The following DBP variants were observed in gnomAD, a reference collection of about 807,000 sequenced individuals.
DBP encodes D-box binding PAR bZIP transcription factor, also known as D site-binding protein.
A neutral mutation model predicts 21.4 loss-of-function variants in DBP; 12 were observed. That is an observed-to-expected ratio of 0.56 (90% CI 0.36 to 0.91). The LOEUF (loss-of-function observed/expected upper bound fraction) is 0.91, where lower values mean the gene tolerates loss of function less well. Among genes scored for constraint, DBP ranks in the 40% least tolerant of loss-of-function variants. DBP has a pLI of 0.01. For synonymous variants in DBP, 213 were observed against 224.9 expected, an observed-to-expected ratio of 0.95 and a Z score of 0.47; for missense variants, 423 against 473.4, an observed-to-expected ratio of 0.89 and a Z score of 0.99.
chr19:48,631,290 C>T (rs563143119), intron 3 of DBP: 11 of 555,890 alleles, frequency 2.0e-5, no homozygotes, highest in Admixed American at 1.2e-4. Context: ...CTCTGCAAAG[C>T]GGACCCCAGC....
At chr19:48,633,957 A>G (rs993482894) in intron 2 of DBP, 55 of 391,420 alleles carry the variant, frequency 1.4e-4, no homozygotes, top group Non-Finnish European at 1.7e-4. Context: ...AAAATTGCCC[A>G]GGTGTAGTGG....
chr19:48,635,095 C>T, intron 2 of DBP: 1 of 987,622 alleles, frequency 1.0e-6, no homozygotes, highest in Non-Finnish European at 1.2e-6. Flanking sequence ...CACTGGGGGA[C>T]CCAGGGACCT....
chr19:48,636,820 G>A (rs777295484), intron 1 of DBP, 36 bp downstream of exon 1: 1 of 1,608,086 alleles, frequency 6.2e-7, no homozygotes, highest in Non-Finnish European at 8.5e-7. Context: ...AGGGGGTAGG[G>A]TGTCCGAAGT....
intron 3 of DBP, 105 bp downstream of exon 3, chr19:48,633,339 A>T: frequency 8.4e-7 from 1 of 1,194,656 alleles, no homozygotes; most frequent in Non-Finnish European, 1.2e-6. Flanking sequence ...GAGGCTGAGC[A>T]CTAATCCCAA....
At position 48,633,630 on chromosome 19, in the gene DBP, G is replaced by C; in HGVS notation, c.576C>G (p.Ser192Arg). ...CCTCCACGGTGTCTGGGTCCACAGG[G>C]CTGGGTGTGTCCCGAGAGGTCAGGC... ...RAGLTSRDTP[S>R]PVDPDTVEVL... is the part of the protein sequence containing the mutation. Residue 192 changes from serine (S) to arginine (R), a missense_variant, in exon 3 of 4, where the codon AGC (serine) becomes AGG (arginine). This residue lies in a region of DBP where 77 missense variants were observed against 97.1 expected (regional missense o/e 0.79). Transcript: ENST00000222122. 1 of 1,614,104 alleles carries C rather than the reference G, an allele frequency of 6.2e-7. No individual in the cohort carries two copies. Among genetic ancestry groups the C allele is most frequent in the Non-Finnish European group, 8.5e-7 (1 of 1,180,026 alleles).
In DBP at chr19:48,630,842, G is replaced by A; in HGVS notation, c.973C>T (p.Leu325=). Residue 325 remains leucine (L), a synonymous_variant, in exon 4 of 4, where the codon CTG becomes TTG. Transcript: ENST00000222122. The surrounding 1 kb of genome is among the most constrained non-coding windows in gnomAD (Gnocchi z 4.9). ...GGTGGGGATGTGGGGCAGCCTCACA[G>A]GGCCCCGTGCTGGGCCTGGTATCGG... ...LSRYQAQHGA[L] 5 of 1,589,666 alleles carry A rather than the reference G, an allele frequency of 3.1e-6. No individual in the cohort carries two copies. Among genetic ancestry groups the A allele is most frequent in the South Asian group, 2.3e-5 (2 of 88,326 alleles).
Position 48,635,988 on chromosome 19 carries a change from G to T in DBP, c.142C>A (p.Leu48Ile), listed in dbSNP as rs2030777050. Residue 48 changes from leucine to isoleucine, a missense_variant and splice_region_variant, in exon 2 of 4, where the codon CTC becomes ATC. Leu to Ile is a conservative substitution (Grantham distance 5). Transcript: ENST00000222122. The stretch of plus-strand genomic sequence containing the variant: ...GCCTTGCGCTCCTTTTCCTTCAGGA[G>T]ACCTGCGGGCCGGGAAAGACGGGTT... The part of the protein sequence containing the change: ...TSKPKEPASC[L>I]LKEKERKAAL... 6.6e-7 allele frequency: 1 copy of T among 1,515,520 alleles called. No individual in the cohort carries two copies. The highest frequency in any genetic ancestry group is 1.4e-5 in the African/African-American group (1 of 70,808). The allele number at this position is 1,515,520 out of a possible 1,614,324, so 93.9% of individuals were successfully genotyped here.
rs752968692 is a variant in DBP, at chr19:48,633,643, C to A, written c.563G>T (p.Arg188Leu). Reference sequence around the variant, plus strand: ...TGGGTCCACAGGGCTGGGTGTGTCCCGAGAGGTCAGGCCTTGGGGAAACAG... The same window carrying A: ...TGGGTCCACAGGGCTGGGTGTGTCCAGAGAGGTCAGGCCTTGGGGAAACAG... ...ASGHRAGLTS[R>L]DTPSPVDPDT... The change falls in exon 3 of 4, where the codon CGG becomes CTG. Residue 188 changes from arginine to leucine, a missense_variant. By Grantham distance (102) the Arg-to-Leu change is moderately radical. Transcript: ENST00000222122. The A allele has an allele frequency of 4.3e-6, 7 of 1,613,986 alleles. No individual in the cohort carries two copies. The highest frequency in any genetic ancestry group is 5.9e-6 in the Non-Finnish European group (7 of 1,180,014).
chr19:48,637,072 T>C lies in DBP; in HGVS notation c.-78A>G. 7.5e-7 allele frequency: 1 copy of C among 1,325,710 alleles called. No homozygotes were observed. The allele number at this position is 1,325,710 out of a possible 1,614,324, so 82.1% of individuals were successfully genotyped here. On this transcript the variant is annotated 5_prime_UTR_variant, in exon 1 of 4. Transcript: ENST00000222122. ...CCTGCCAGTCACCAGCACACTCCAGTGGTTTGGACGAGTGTCTGCCCAGGG... is the reference window on the plus strand; with the variant it reads ...CCTGCCAGTCACCAGCACACTCCAGCGGTTTGGACGAGTGTCTGCCCAGGG...
At chr19:48,636,683 T>G (rs2030815554) in intron 1 of DBP, among the ~76,000 whole-genome samples, 173 bp downstream of exon 1, 2 of 151,828 alleles carry the variant, frequency 1.3e-5, no homozygotes, top group South Asian at 2.1e-4. Flanking sequence ...CCGGCGCTTT[T>G]GGGTCCTGGG....
intron 1 of DBP, 99 bp from the exon 2 acceptor site, chr19:48,636,089 A>G: frequency 8.4e-7 from 1 of 1,190,854 alleles, no homozygotes; most frequent in Non-Finnish European, 1.1e-6. Context: ...GGAGATCCAG[A>G]GAAAGAGGGG....
intron 3 of DBP, 112 bp downstream of exon 3, chr19:48,633,332 G>T: frequency 1.8e-6 from 2 of 1,126,338 alleles, no homozygotes; most frequent in Non-Finnish European, 2.7e-6. Context: ...GCCAGGAGAG[G>T]CTGAGCACTA....
rs761668263 is a variant in DBP at position 48,633,672 on chromosome 19, G to T, written c.551-17C>A. 2 of 1,607,742 alleles carry T rather than the reference G, an allele frequency of 1.2e-6. No homozygotes were observed. The highest frequency in any genetic ancestry group is 1.7e-6 in the Non-Finnish European group (2 of 1,174,806). ...AGGTCAGGCCTTGGGGAAACAGCACGTGTCAGCTGAGTGTGTATTTTAAGG... is the reference window on the plus strand; with the variant it reads ...AGGTCAGGCCTTGGGGAAACAGCACTTGTCAGCTGAGTGTGTATTTTAAGG... On this transcript the variant is annotated splice_polypyrimidine_tract_variant and intron_variant, in intron 2 of 3. Transcript: ENST00000222122.
At position 48,635,655 on chromosome 19, in the gene DBP, A is replaced by G; in HGVS notation, c.475T>C (p.Ser159Pro). The G allele has an allele frequency of 7.6e-7, 1 of 1,315,070 alleles. No individual in the cohort carries two copies. The highest frequency in any genetic ancestry group is 9.6e-7 in the Non-Finnish European group (1 of 1,039,184). 81.5% of individuals were successfully genotyped at this position (1,315,070 alleles called of 1,614,324 possible). The change falls in exon 2 of 4, where the codon TCG becomes CCG. Residue 159 changes from serine to proline, a missense_variant. Physicochemically the swap from Ser to Pro is moderately conservative, Grantham distance 74. Coordinates refer to ENST00000222122, the MANE Select transcript of DBP (RefSeq NM_001352.5). ...CCAGGAGAGGAGCGGGGGGAAGCCG[A>G]GCCGCACGAACCCGGCCCTGGGGAG... ...APSPGPGSCG[S>P]ASPRSSPGHA... is the part of the protein sequence containing the mutation.
At chr19:48,633,677 A>G (rs764898319) in intron 2 of DBP, 22 bp from the exon 3 acceptor site, 4 of 1,604,534 alleles carry the variant, frequency 2.5e-6, no homozygotes, top group South Asian at 1.1e-5. Context: ...AGCACGTGTC[A>G]GCTGAGTGTG....
chr19:48,633,771 A>G, intron 2 of DBP, 116 bp from the exon 3 acceptor site: 1 of 887,812 alleles, frequency 1.1e-6, no homozygotes, highest in Non-Finnish European at 1.8e-6. Flanking sequence ...TCTAGCATAA[A>G]TTCGGCCAGG....
At position 48,631,071 on chromosome 19, in the gene DBP, A is replaced by C. The variant is rs777022424; in HGVS notation, c.763-19T>G. 3 of 1,605,252 alleles carry C rather than the reference A, an allele frequency of 1.9e-6. No individual in the cohort carries two copies. The African/African-American group carries it at 4.0e-5, about 22-fold the overall frequency. On this transcript the variant is annotated intron_variant, in intron 3 of 3. Coordinates refer to ENST00000222122, the MANE Select transcript of DBP (RefSeq NM_001352.5). ...TCTCATCCTGCAGGAGAAGAGGGGG[A>C]GAGCACTGAGGTCCAGAGGGACCCA...
rs200967897 is a variant in DBP, at chr19:48,630,963, C to T, written c.852G>A (p.Ser284=). 80 of 1,613,544 alleles carry T rather than the reference C, an allele frequency of 5.0e-5. No individual in the cohort carries two copies. The East Asian group carries it at 1.7e-3, about 34-fold the overall frequency. Residue 284 remains serine, a synonymous_variant, in exon 4 of 4, where the codon TCG becomes TCA. Transcript: ENST00000222122. This position sits in a 1 kb window ranked among gnomAD's most constrained non-coding sequence, Gnocchi z 4.9. ...CCTTCTCCAGGAAGGCCGCCCGCAC[C>T]GATATCTGGTTCTCCTTGAGCCGCC... The part of the protein sequence containing the change: ...DARRLKENQI[S]VRAAFLEKEN...
chr19:48,635,824 T>C lies in DBP; in HGVS notation c.306A>G (p.Pro102=). ...ACGGCAGCGTGCGCTCCCACAGCAG[T>C]GGCGCCAACAGACCCGGGGCGGGCA... ...GPVPAPGLLA[P]LLWERTLPFG... is the part of the protein sequence containing the mutation. Residue 102 remains proline (P), a synonymous_variant, in exon 2 of 4, where the codon CCA becomes CCG. Transcript: ENST00000222122. 2 of 1,427,302 alleles carry C rather than the reference T, an allele frequency of 1.4e-6. No individual in the cohort carries two copies. Among genetic ancestry groups the C allele is most frequent in the Admixed American group, 3.2e-5 (1 of 31,452 alleles). 88.4% of individuals were successfully genotyped at this position (1,427,302 alleles called of 1,614,324 possible).
Sources: allele counts gnomAD v4.1 joint callset (sites outside exome capture counted in the v4.1 genomes callset), GRCh38; gene constraint gnomAD v4.1.1; regional missense constraint gnomAD v4.1.1; non-coding constraint Gnocchi (gnomAD v3.1); transcripts MANE v1.5; gene names NCBI Gene and HGNC (gene_info 2026-07-23, HGNC 2026-07-21).